Variants in USP3 observed in about 807,000 individuals in gnomAD.
USP3 encodes ubiquitin carboxyl-terminal hydrolase 3.
USP3 carries 20 observed loss-of-function variants against 72.3 expected under a neutral mutation model. The observed-to-expected ratio is 0.28, with a 90% CI of 0.19 to 0.40. The LOEUF (loss-of-function observed/expected upper bound fraction) is 0.40, where lower values mean the gene tolerates loss of function less well. USP3 is among the 10% of genes least tolerant of loss of function. The pLI, the probability that USP3 is intolerant of heterozygous loss-of-function variation, is 1.00. For missense variants in USP3, 479 were observed against 633.9 expected (o/e 0.76, Z 2.62); for synonymous variants, 222 against 225.3 (o/e 0.99, Z 0.13).
chr15:63,568,626 TG>T (rs1421508095), intron 8 of USP3, among the ~76,000 whole-genome samples: 3 of 152,060 alleles, frequency 2.0e-5, no homozygotes, highest in Non-Finnish European at 4.4e-5. Flanking sequence ...AACTAGAAAA[TG>T]ATTGAAAAGA....
At chr15:63,522,078 A>G in intron 1 of USP3, among the ~76,000 whole-genome samples, 1 of 152,138 alleles carries the variant, frequency 6.6e-6, no homozygotes, top group South Asian at 2.1e-4. Flanking sequence ...GTCTCACTAT[A>G]TTGCCCAGGC....
At chr15:63,513,008 A>G (rs573299453) in intron 1 of USP3, among the ~76,000 whole-genome samples, 1 of 152,374 alleles carries the variant, frequency 6.6e-6, no homozygotes, top group South Asian at 2.1e-4. Context: ...GCCAGGTTAT[A>G]TCAAAGATAT....
In USP3 at chr15:63,544,636, A is replaced by T; in HGVS notation, c.284+7480A>T. The T allele has an allele frequency of 1.4e-6, 1 of 696,790 alleles. No homozygotes were observed. Among genetic ancestry groups the T allele is most frequent in the South Asian group, 1.5e-5 (1 of 66,772 alleles). The allele number at this position is 696,790 out of a possible 1,614,324, so 43.2% of individuals were successfully genotyped here. ...TGCTGTGTGTTTTCATTTTTGGAGA[A>T]TGGGGGAAGAATGTAAAGATGGAGA... is the stretch of plus-strand genomic sequence containing the variant. On this transcript the variant is annotated intron_variant, in intron 3 of 14. Transcript: ENST00000380324. This position sits in a 1 kb window ranked among gnomAD's most constrained non-coding sequence, Gnocchi z 4.2.
intron 3 of USP3, among the ~76,000 whole-genome samples, chr15:63,540,912 T>C (rs959007491): frequency 6.6e-6 from 1 of 152,204 alleles, no homozygotes; most frequent in African/African-American, 2.4e-5. Context: ...TAATATTTCA[T>C]TTGCTCCCAT....
At chr15:63,527,795 G>A (rs971243055) in intron 1 of USP3, 1 of 152,214 alleles carries the variant, frequency 6.6e-6, no homozygotes, top group African/African-American at 2.4e-5. Flanking sequence ...CGTATAGCAC[G>A]GACTAAACCA....
intron 3 of USP3, among the ~76,000 whole-genome samples, chr15:63,545,510 C>A (rs1269107224): frequency 6.6e-6 from 1 of 152,064 alleles, no homozygotes; most frequent in African/African-American, 2.4e-5. Flanking sequence ...TTCTTACCTT[C>A]CTTTTTTATA....
At chr15:63,519,201 C>T (rs1316962150) in intron 1 of USP3, among the ~76,000 whole-genome samples, 2 of 152,098 alleles carry the variant, frequency 1.3e-5, no homozygotes, top group South Asian at 2.1e-4. Flanking sequence ...GCTATTACTC[C>T]TTTCTGTTTA....
At chr15:63,545,468 T>C (rs2152665796) in intron 3 of USP3, among the ~76,000 whole-genome samples, 1 of 152,318 alleles carries the variant, frequency 6.6e-6, no homozygotes, top group South Asian at 2.1e-4. Context: ...TAATGTTACT[T>C]GTCTGTCTTA....
Position 63,558,193 on chromosome 15 carries a change from C to T in USP3, c.533+5C>T, listed in dbSNP as rs768333273. On this transcript the variant is annotated splice_donor_5th_base_variant and intron_variant, in intron 6 of 14. Coordinates refer to ENST00000380324, the MANE Select transcript of USP3 (RefSeq NM_006537.4). ...TGCCATCCTTCAGTCACTCAGGTAA[C>T]GCTACAGTCAGAGCTTAAGTGTCTG... The T allele has an allele frequency of 2.6e-5, 42 of 1,613,818 alleles. No individual in the cohort carries two copies. Among genetic ancestry groups the T allele is most frequent in the Admixed American group, 6.7e-5 (4 of 59,968 alleles).
intron 11 of USP3, among the ~76,000 whole-genome samples, chr15:63,584,103 T>G (rs949394222): frequency 6.9e-5 from 10 of 144,598 alleles, no homozygotes; most frequent in Admixed American, 1.4e-4. Context: ...TTTTTTTTTT[T>G]TTTTTTTTTT....
intron 1 of USP3, among the ~76,000 whole-genome samples, chr15:63,517,997 T>G (rs2065874395): frequency 6.6e-6 from 1 of 152,182 alleles, no homozygotes; most frequent in Admixed American, 6.5e-5. Context: ...GTCATTTAAG[T>G]GGGTCTTAGG....
chr15:63,522,275 G>T (rs2065930666), intron 1 of USP3, among the ~76,000 whole-genome samples: 1 of 152,220 alleles, frequency 6.6e-6, no homozygotes, highest in African/African-American at 2.4e-5. Context: ...CACGTAAAAG[G>T]TTGGCTAGCA....
At chr15:63,569,882 T>G (rs1446043164) in intron 8 of USP3, among the ~76,000 whole-genome samples, 2 of 152,266 alleles carry the variant, frequency 1.3e-5, no homozygotes, top group African/African-American at 4.8e-5. Context: ...TTTAACTCTT[T>G]CAGTAAAGTG....
rs145017896 is a variant in USP3 at position 63,545,005 on chromosome 15, T to C, written c.284+7849T>C. ...AAATGAAGAGAAAAAAGATGAGTTT[T>C]TGAGAGTGTATAGAAAGAAAAGTAG... On this transcript the variant is annotated intron_variant, in intron 3 of 14. Transcript: ENST00000380324. 3.9e-3 allele frequency among the ~76,000 whole-genome samples: 596 copies of C among 152,246 alleles called. 6 individuals carry two copies. The highest frequency in any genetic ancestry group is 0.013 in the African/African-American group (539 of 41,550).
intron 3 of USP3, among the ~76,000 whole-genome samples, chr15:63,547,790 GAGAGAGAGA>G (rs2066361768): frequency 9.6e-6 from 1 of 104,438 alleles, no homozygotes; most frequent in Non-Finnish European, 2.1e-5. Flanking sequence ...GAGAGAGAGA[GAGAGAGAGA>G]GGCATAGAGA....
In USP3 at chr15:63,553,076, A is replaced by G. The variant is rs990997196; in HGVS notation, c.285-639A>G. ...ACACACAGAGTATCGGTTTTTAAAT[A>G]TAGCTTAAATATTTTTCTTCAAAGC... On this transcript the variant is annotated intron_variant, in intron 3 of 14. Transcript: ENST00000380324. The surrounding 1 kb of genome is among the most constrained non-coding windows in gnomAD (Gnocchi z 4.2). 2.0e-5 allele frequency among the ~76,000 whole-genome samples: 3 copies of G among 152,230 alleles called. No homozygotes were observed. Among genetic ancestry groups the G allele is most frequent in the Non-Finnish European group, 1.5e-5 (1 of 68,038 alleles).
At chr15:63,541,722 GT>G (rs1369349220) in intron 3 of USP3, among the ~76,000 whole-genome samples, 1 of 152,114 alleles carries the variant, frequency 6.6e-6, no homozygotes, top group African/African-American at 2.4e-5. Flanking sequence ...ACCTTTCTCA[GT>G]TTGAAATAGG....
chr15:63,578,484 C>T (rs1438709992), intron 11 of USP3, among the ~76,000 whole-genome samples: 4 of 150,442 alleles, frequency 2.7e-5, no homozygotes, highest in African/African-American at 9.8e-5. Context: ...TGGTGGCAGG[C>T]ATCTGTAGTC....
chr15:63,588,228 C>A lies in USP3; in HGVS notation c.1097-77C>A. ...TAGCTAATAAAGCTGAGATTTTAAACCTGGGTCTTTTTTCTACAGTACATT... is the reference window on the plus strand; with the variant it reads ...TAGCTAATAAAGCTGAGATTTTAAAACTGGGTCTTTTTTCTACAGTACATT... On this transcript the variant is annotated intron_variant, in intron 11 of 14. Coordinates refer to ENST00000380324, the MANE Select transcript of USP3 (RefSeq NM_006537.4). This position sits in a 1 kb window ranked among gnomAD's most constrained non-coding sequence, Gnocchi z 4.6. The A allele has an allele frequency of 8.9e-7, 1 of 1,126,742 alleles. No individual in the cohort carries two copies. Among genetic ancestry groups the A allele is most frequent in the Non-Finnish European group, 1.3e-6 (1 of 794,378 alleles). 69.8% of individuals were successfully genotyped at this position (1,126,742 alleles called of 1,614,324 possible). A position where few individuals can be genotyped will look rare whatever the true frequency, so the allele number is the denominator to read the frequency against.
Sources: gnomAD v4.1 joint callset for allele counts (sites outside exome capture counted in the v4.1 genomes callset) on GRCh38, gnomAD v4.1.1 for gene constraint, Gnocchi (gnomAD v3.1) non-coding constraint, MANE v1.5 for transcripts, NCBI Gene and HGNC (gene_info 2026-07-23, HGNC 2026-07-21) for gene names.